NUTM1: variants seen among roughly 807,000 people sequenced by gnomAD.
The protein encoded by NUTM1 is NUT midline carcinoma family member 1, also known as NUT family member 1.
A neutral mutation model predicts 88.7 loss-of-function variants in NUTM1; 39 were observed. The observed-to-expected ratio is 0.44, with a 90% CI of 0.34 to 0.57. NUTM1 has a LOEUF of 0.57. NUTM1 is among the 20% of genes least tolerant of loss of function. The probability of loss-of-function intolerance (pLI) is 0.01; values close to 1 mark genes in which losing one functional copy is unlikely to be tolerated. For missense variants in NUTM1, 1,350 were observed against 1,414.5 expected (o/e 0.95, Z 0.73); for synonymous variants, 494 against 538.0 (o/e 0.92, Z 1.13).
chr15:34,352,764 C>T (rs1890731933), intron 4 of NUTM1, among the ~76,000 whole-genome samples: 1 of 149,192 alleles, frequency 6.7e-6, no homozygotes, highest in Non-Finnish European at 1.5e-5. Flanking sequence ...CGAGATTGGG[C>T]CACTGCACTT....
chr15:34,353,972 C>A, intron 5 of NUTM1, 100 bp downstream of exon 5: 1 of 1,344,160 alleles, frequency 7.4e-7, no homozygotes, highest in Non-Finnish European at 1.0e-6. Context: ...CCAGGCTCTG[C>A]CACTTTCCCT....
chr15:34,355,336 G>A lies in NUTM1; in HGVS notation c.1480-152G>A. The A allele has an allele frequency of 1.3e-6, 1 of 761,512 alleles. No individual in the cohort carries two copies. The highest frequency in any genetic ancestry group is 2.2e-6 in the Non-Finnish European group (1 of 463,858). 47.2% of individuals were successfully genotyped at this position (761,512 alleles called of 1,614,324 possible). A position where few individuals can be genotyped will look rare whatever the true frequency, so the allele number is the denominator to read the frequency against. ...AAAGCATGGGAATAAGGCACAAGAA[G>A]GTGGGAAAGAGCTGCAGTATCTGTC... On this transcript the variant is annotated intron_variant, in intron 7 of 7. Coordinates refer to ENST00000537011, the MANE Select transcript of NUTM1 (RefSeq NM_001284292.2). The surrounding 1 kb of genome is among the most constrained non-coding windows in gnomAD (Gnocchi z 4.3).
Position 34,343,461 on chromosome 15 carries a change from G to C in NUTM1, c.-236G>C. The stretch of plus-strand genomic sequence containing the variant: ...AATGCCTGAAGAAACAAGGGCTCCA[G>C]GATTCAGAGCCCCTTTACCCTAGGG... On this transcript the variant is annotated 5_prime_UTR_variant, in exon 1 of 8. Transcript: ENST00000537011. 1 of 878,262 alleles carries C rather than the reference G, an allele frequency of 1.1e-6. No homozygotes were observed. The highest frequency in any genetic ancestry group is 1.7e-6 in the Non-Finnish European group (1 of 590,372). The allele number at this position is 878,262 out of a possible 1,614,324, so 54.4% of individuals were successfully genotyped here.
chr15:34,354,138 G>A (rs1223843749), intron 5 of NUTM1, among the ~76,000 whole-genome samples: 1 of 151,932 alleles, frequency 6.6e-6, no homozygotes, highest in Non-Finnish European at 1.5e-5. Flanking sequence ...ATCTGCCTAA[G>A]AAATGGGGAC....
intron 4 of NUTM1, among the ~76,000 whole-genome samples, chr15:34,351,872 TAAAAA>T (rs11407280): frequency 7.2e-6 from 1 of 138,356 alleles, no homozygotes; most frequent in East Asian, 2.1e-4. Flanking sequence ...TATCTTTGAT[TAAAAA>T]AAAAAAAAAA....
intron 3 of NUTM1, 140 bp downstream of exon 3, chr15:34,348,817 CATATTA>C: frequency 1.6e-6 from 1 of 618,386 alleles, no homozygotes; most frequent in South Asian, 2.0e-5. Context: ...GAATGAAAAA[CATATTA>C]ATAATAATAA....
At position 34,347,987 on chromosome 15, in the gene NUTM1, C is replaced by T. The variant is rs138920290; in HGVS notation, c.119C>T (p.Pro40Leu). 7.8e-5 allele frequency: 125 copies of T among 1,610,256 alleles called. No homozygotes were observed. The Admixed American group carries it at 1.2e-3, about 15-fold the overall frequency. The change falls in exon 3 of 8, where the codon CCG becomes CTG. Residue 40 changes from proline (P) to leucine (L), a missense_variant. By Grantham distance (98) the Pro-to-Leu change is moderately conservative (BLOSUM62 -3). This residue lies in a region of NUTM1 where 399 missense variants were observed against 397.9 expected (regional missense o/e 1.00). Transcript: ENST00000537011. ...ASDGASALPGPDMSMKPSAAP... is the reference protein window; with the variant it reads ...ASDGASALPGLDMSMKPSAAP... The stretch of plus-strand genomic sequence containing the variant: ...TCAACAGCATCTGCATTGCCGGGAC[C>T]GGATATGAGCATGAAACCTAGTGCC...
In NUTM1 at chr15:34,355,637, G is replaced by C. The variant is rs1890788520; in HGVS notation, c.1629G>C (p.Gln543His). ...GGCTTCGGCCCTCACCTGGGCTTCA[G>C]GGGGCTGGGGGCGCCGCTTGCCTTG... ...DGRLRPSPGLQGAGGAACLGK... is the reference protein window; with the variant it reads ...DGRLRPSPGLHGAGGAACLGK... Residue 543 changes from glutamine (Q) to histidine (H), a missense_variant, in exon 8 of 8, where the codon CAG becomes CAC. Gln to His is a conservative substitution (Grantham distance 24). Transcript: ENST00000537011. This position sits in a 1 kb window ranked among gnomAD's most constrained non-coding sequence, Gnocchi z 4.3. 1 of 1,610,044 alleles carries C rather than the reference G, an allele frequency of 6.2e-7. No individual in the cohort carries two copies. The highest frequency in any genetic ancestry group is 2.2e-5 in the East Asian group (1 of 44,842).
Position 34,354,531 on chromosome 15 carries a change from AC to A in NUTM1, c.1164del (p.Lys389ArgfsTer8), listed in dbSNP as rs1200475228. 7 of 1,613,984 alleles carry A rather than the reference AC, an allele frequency of 4.3e-6. No homozygotes were observed. The highest frequency in any genetic ancestry group is 5.9e-6 in the Non-Finnish European group (7 of 1,179,992). On this transcript the variant is annotated frameshift_variant, in exon 6 of 8. Coordinates refer to ENST00000537011, the MANE Select transcript of NUTM1 (RefSeq NM_001284292.2). LOFTEE classifies it high-confidence loss of function. ...KAQRPPAPEA[P>X]KEIPPEAVKE... ...CCCAGAGACCTCCTGCTCCTGAGGC[AC>A]CCAAGGAGATCCCACCAGAAGCTGT...
Position 34,348,105 on chromosome 15 carries a change from G to A in NUTM1, c.237G>A (p.Met79Ile). 6.2e-7 allele frequency: 1 copy of A among 1,614,078 alleles called. No homozygotes were observed. The part of the protein sequence containing the change: ...PPREPPPQPI[M>I]PSVFSPDNPL... ...GGGAGCCACCTCCACAGCCCATCAT[G>A]CCTTCAGTATTCTCTCCAGACAACC... The change falls in exon 3 of 8, where the codon ATG becomes ATA. Residue 79 changes from methionine to isoleucine, a missense_variant. This residue lies in a region of NUTM1 where 399 missense variants were observed against 397.9 expected (regional missense o/e 1.00). Transcript: ENST00000537011.
chr15:34,343,726 T>TA (rs1566886530), intron 1 of NUTM1, 24 bp downstream of exon 1: 1 of 1,532,070 alleles, frequency 6.5e-7, no homozygotes, highest in Non-Finnish European at 8.7e-7. Context: ...AATAACGTAA[T>TA]AAAGTGCACC....
chr15:34,347,633 C>G (rs1890619641), intron 2 of NUTM1, among the ~76,000 whole-genome samples: 1 of 152,140 alleles, frequency 6.6e-6, no homozygotes, highest in South Asian at 2.1e-4. Flanking sequence ...GCAGGCGGAT[C>G]ACAAGGTCAG....
At position 34,355,193 on chromosome 15, in the gene NUTM1, C is replaced by A; in HGVS notation, c.1479+56C>A. 2 of 1,174,922 alleles carry A rather than the reference C, an allele frequency of 1.7e-6. No individual in the cohort carries two copies. The highest frequency in any genetic ancestry group is 2.6e-6 in the Non-Finnish European group (2 of 782,202). 72.8% of individuals were successfully genotyped at this position (1,174,922 alleles called of 1,614,324 possible). A position where few individuals can be genotyped will look rare whatever the true frequency, so the allele number is the denominator to read the frequency against. On this transcript the variant is annotated intron_variant, in intron 7 of 7. Coordinates refer to ENST00000537011, the MANE Select transcript of NUTM1 (RefSeq NM_001284292.2). The surrounding 1 kb of genome is among the most constrained non-coding windows in gnomAD (Gnocchi z 4.3). Reference sequence around the variant, plus strand: ...GAGAAGCTTGCAAGATTTTATCTAACCCTACACTGTCGTGGGTGATATGGC... The same window carrying A: ...GAGAAGCTTGCAAGATTTTATCTAAACCTACACTGTCGTGGGTGATATGGC...
Position 34,348,495 on chromosome 15 carries a change from G to A in NUTM1, c.627G>A (p.Gly209=). Residue 209 remains glycine (G), a synonymous_variant, in exon 3 of 8, where the codon GGG becomes GGA. Coordinates refer to ENST00000537011, the MANE Select transcript of NUTM1 (RefSeq NM_001284292.2). Reference sequence around the variant, plus strand: ...TGCCCCTGGAAAAAGCTTGGCCAGGGCCACATGGGACAACCGGGGAAGGAG... The same window carrying A: ...TGCCCCTGGAAAAAGCTTGGCCAGGACCACATGGGACAACCGGGGAAGGAG... ...PIVPLEKAWP[G]PHGTTGEGGP... is the part of the protein sequence containing the mutation. 1 of 1,614,158 alleles carries A rather than the reference G, an allele frequency of 6.2e-7. No individual in the cohort carries two copies. Among genetic ancestry groups the A allele is most frequent in the South Asian group, 1.1e-5 (1 of 91,088 alleles).
Position 34,354,726 on chromosome 15 carries a change from C to G in NUTM1, c.1356C>G (p.Val452=). Residue 452 remains valine, a synonymous_variant, in exon 6 of 8, where the codon GTC becomes GTG. Transcript: ENST00000537011. ...INELCSQKVF[V]SKVEAVIHPQ... ...AGCTGTGTTCTCAGAAGGTCTTTGT[C>G]TCCAAGGTGAGCTGGGCCTGCACAT... 2 of 1,614,118 alleles carry G rather than the reference C, an allele frequency of 1.2e-6. No individual in the cohort carries two copies. Among genetic ancestry groups the G allele is most frequent in the Non-Finnish European group, 1.7e-6 (2 of 1,180,016 alleles).
At position 34,355,813 on chromosome 15, in the gene NUTM1, G is replaced by A. The variant is rs758056107; in HGVS notation, c.1805G>A (p.Gly602Glu). The A allele has an allele frequency of 6.2e-7, 1 of 1,614,188 alleles. No homozygotes were observed. The highest frequency in any genetic ancestry group is 2.2e-5 in the East Asian group (1 of 44,874). Residue 602 changes from glycine (G) to glutamate (E), a missense_variant, in exon 8 of 8, where the codon GGA (glycine) becomes GAA (glutamate). Gly to Glu is a moderately conservative substitution (Grantham distance 98). Transcript: ENST00000537011. The surrounding 1 kb of genome is among the most constrained non-coding windows in gnomAD (Gnocchi z 4.3). The part of the protein sequence containing the change: ...DLQPELAAPQ[G>E]TPGPLGVERR... Reference sequence around the variant, plus strand: ...CAGCCAGAACTTGCAGCTCCACAGGGAACTCCGGGACCCTTGGGTGTGGAG... The same window carrying A: ...CAGCCAGAACTTGCAGCTCCACAGGAAACTCCGGGACCCTTGGGTGTGGAG...
rs1207932067 is a variant in NUTM1 at position 34,356,706 on chromosome 15, G to A, written c.2698G>A (p.Glu900Lys). The A allele has an allele frequency of 6.2e-7, 1 of 1,613,708 alleles. No homozygotes were observed. Among genetic ancestry groups the A allele is most frequent in the Admixed American group, 1.7e-5 (1 of 59,966 alleles). Reference sequence around the variant, plus strand: ...AGGCAATCTCCTTATCATGGGGACTGAGGATGCCTCCTCCTTGCCTGAAGC... The same window carrying A: ...AGGCAATCTCCTTATCATGGGGACTAAGGATGCCTCCTCCTTGCCTGAAGC... ...CQGNLLIMGT[E>K]DASSLPEASQ... The change falls in exon 8 of 8, where the codon GAG (glutamate) becomes AAG (lysine). Residue 900 changes from glutamate (E) to lysine (K), a missense_variant. Transcript: ENST00000537011.
chr15:34,343,352 G>A lies in NUTM1; in HGVS notation c.-345G>A. On this transcript the variant is annotated 5_prime_UTR_variant, in exon 1 of 8. Transcript: ENST00000537011. ...AGGTACACGGCGTTAGAGGGGGGTA[G>A]GGATGGATGTGGATAGAATATTGAC... 1 of 611,490 alleles carries A rather than the reference G, an allele frequency of 1.6e-6. No individual in the cohort carries two copies. Among genetic ancestry groups the A allele is most frequent in the South Asian group, 1.9e-5 (1 of 51,806 alleles). 37.9% of individuals were successfully genotyped at this position (611,490 alleles called of 1,614,324 possible).
rs1595613998 is a variant in NUTM1, at chr15:34,355,952, G to T, written c.1944G>T (p.Leu648=). The T allele has an allele frequency of 3.7e-6, 6 of 1,614,032 alleles. No homozygotes were observed. The East Asian group carries it at 1.3e-4, about 36-fold the overall frequency. ...TGGCTGATAGGACTTCAGAGGCTCTGCCCCTTTGTTGGCAGGGAGGCTTCC... is the reference window on the plus strand; with the variant it reads ...TGGCTGATAGGACTTCAGAGGCTCTTCCCCTTTGTTGGCAGGGAGGCTTCC... ...CLVADRTSEA[L]PLCWQGGFQP... The change falls in exon 8 of 8, where the codon CTG becomes CTT. Residue 648 remains leucine, a synonymous_variant. Coordinates refer to ENST00000537011, the MANE Select transcript of NUTM1 (RefSeq NM_001284292.2). This position sits in a 1 kb window ranked among gnomAD's most constrained non-coding sequence, Gnocchi z 4.3.
Sources: gnomAD v4.1 joint callset for allele counts (sites outside exome capture counted in the v4.1 genomes callset) on GRCh38, gnomAD v4.1.1 for gene constraint, gnomAD v4.1.1 regional missense constraint, Gnocchi (gnomAD v3.1) non-coding constraint, MANE v1.5 for transcripts, NCBI Gene and HGNC (gene_info 2026-07-23, HGNC 2026-07-21) for gene names.